CSMD1: variants seen among roughly 807,000 people sequenced by gnomAD.
The protein encoded by CSMD1 is CUB and sushi domain-containing protein 1.
CSMD1 carries 213 observed loss-of-function variants against 417.5 expected under a neutral mutation model. The ratio of observed to expected loss-of-function variants is 0.51; its 90% CI spans 0.46 to 0.57. CSMD1 has a LOEUF of 0.57. CSMD1 is among the 20% of genes least tolerant of loss of function. The pLI, the probability that CSMD1 is intolerant of heterozygous loss-of-function variation, is 0.00. For missense variants in CSMD1, 6,923 were observed against 4,529.7 expected (o/e 1.53, Z -15.17); for synonymous variants, 2,862 against 1,736.8 (o/e 1.65, Z -16.11).
rs183645896 is a variant in CSMD1, at chr8:4,182,973, G to T, written c.416-150874C>A. Reference sequence around the variant, plus strand: ...AATGGCCAATAAAGAAAGAGGCAAGGAAAGGAAGGATCAAAGTCTTTCAAG... The same window carrying T: ...AATGGCCAATAAAGAAAGAGGCAAGTAAAGGAAGGATCAAAGTCTTTCAAG... On this transcript the variant is annotated intron_variant, in intron 3 of 69. Coordinates refer to ENST00000635120, the MANE Select transcript of CSMD1 (RefSeq NM_033225.6). Among the ~76,000 whole-genome samples, 24 of 152,180 alleles carry T rather than the reference G, an allele frequency of 1.6e-4. 1 individual carries two copies. Among genetic ancestry groups the T allele is most frequent in the African/African-American group, 5.5e-4 (23 of 41,534 alleles).
intron 12 of CSMD1, among the ~76,000 whole-genome samples, chr8:3,431,528 A>C (rs1313694372): frequency 6.6e-6 from 1 of 152,116 alleles, no homozygotes; most frequent in African/African-American, 2.4e-5. Context: ...TTTTTCCAGT[A>C]GTGCATGCCT....
intron 15 of CSMD1, among the ~76,000 whole-genome samples, chr8:3,402,716 T>C (rs925390785): frequency 6.6e-6 from 1 of 152,222 alleles, no homozygotes; most frequent in African/African-American, 2.4e-5. Context: ...TCTTTCCTAG[T>C]TCTTTTTATC....
At chr8:3,740,605 A>C (rs1796749841) in intron 6 of CSMD1, among the ~76,000 whole-genome samples, 1 of 152,158 alleles carries the variant, frequency 6.6e-6, no homozygotes, top group Admixed American at 6.5e-5. Flanking sequence ...GCAGGGGCTG[A>C]GGTAGTGTGA....
intron 5 of CSMD1, among the ~76,000 whole-genome samples, chr8:3,914,938 C>T (rs912589997): frequency 3.3e-5 from 5 of 152,084 alleles, no homozygotes; most frequent in African/African-American, 1.2e-4. Context: ...AACACAACAA[C>T]AACGACAACA....
chr8:4,706,534 A>G (rs1807949641), intron 1 of CSMD1, among the ~76,000 whole-genome samples: 1 of 152,244 alleles, frequency 6.6e-6, no homozygotes, highest in African/African-American at 2.4e-5. Flanking sequence ...TATTTCATAA[A>G]CAAATATATT....
chr8:4,517,701 C>G (rs914020841), intron 2 of CSMD1, among the ~76,000 whole-genome samples: 1 of 152,182 alleles, frequency 6.6e-6, no homozygotes, highest in African/African-American at 2.4e-5. Flanking sequence ...ACTCAAAATA[C>G]TAATACTTAG....
At chr8:3,350,594 G>C (rs1397041468) in intron 21 of CSMD1, among the ~76,000 whole-genome samples, 1 of 152,080 alleles carries the variant, frequency 6.6e-6, no homozygotes. Context: ...TAAAACTGGA[G>C]TAACACAAGT....
chr8:4,521,198 C>A (rs554990858), intron 2 of CSMD1, among the ~76,000 whole-genome samples: 20 of 152,036 alleles, frequency 1.3e-4, no homozygotes, highest in African/African-American at 4.8e-4. Context: ...AAATTGTTTT[C>A]TATATAAAAA....
intron 54 of CSMD1, among the ~76,000 whole-genome samples, chr8:2,992,178 T>C (rs1298782808): frequency 6.6e-6 from 1 of 151,722 alleles, no homozygotes; most frequent in African/African-American, 2.4e-5. Flanking sequence ...TGCACACACA[T>C]GAACACACAC....
At chr8:4,321,936 G>A (rs2897795) in intron 3 of CSMD1, among the ~76,000 whole-genome samples, 87,357 of 151,886 alleles carry the variant, frequency 0.58, 27,988 homozygotes, top group East Asian at 0.99. Context: ...TTTTATTTCT[G>A]CATTTTTTCA....
intron 5 of CSMD1, among the ~76,000 whole-genome samples, chr8:3,888,759 T>A (rs944622870): frequency 6.6e-6 from 1 of 152,082 alleles, no homozygotes; most frequent in Non-Finnish European, 1.5e-5. Flanking sequence ...AAACCGACCT[T>A]CCAAATGGTC....
At chr8:4,113,390 CTTTTTTT>C (rs59647790) in intron 3 of CSMD1, among the ~76,000 whole-genome samples, 51 of 81,196 alleles carry the variant, frequency 6.3e-4, no homozygotes, top group East Asian at 1.8e-3. Flanking sequence ...AATAAAAGGG[CTTTTTTT>C]TTTTTTTTTT....
At chr8:3,568,944 TATAACAC>T (rs1310017908) in intron 10 of CSMD1, among the ~76,000 whole-genome samples, 9 of 152,288 alleles carry the variant, frequency 5.9e-5, no homozygotes, top group African/African-American at 1.9e-4. Flanking sequence ...TCTTAATTAC[TATAACAC>T]ATGTCTCACA....
chr8:4,354,617 A>C (rs1025918020), intron 3 of CSMD1, among the ~76,000 whole-genome samples: 1 of 152,144 alleles, frequency 6.6e-6, no homozygotes, highest in Non-Finnish European at 1.5e-5. Flanking sequence ...TGAACGTATA[A>C]GAACGTGTCT....
intron 5 of CSMD1, among the ~76,000 whole-genome samples, chr8:3,870,006 T>A (rs1167204814): frequency 6.6e-6 from 1 of 151,856 alleles, no homozygotes; most frequent in East Asian, 1.9e-4. Context: ...AGGAAAAGTG[T>A]AAAGAAATAC....
chr8:4,107,322 G>C (rs983664606), intron 3 of CSMD1, among the ~76,000 whole-genome samples: 3 of 152,282 alleles, frequency 2.0e-5, no homozygotes, highest in Non-Finnish European at 4.4e-5. Flanking sequence ...GAAATAGAGA[G>C]GATTTCCATT....
At chr8:3,905,035 G>C (rs1211969718) in intron 5 of CSMD1, among the ~76,000 whole-genome samples, 1 of 152,100 alleles carries the variant, frequency 6.6e-6, no homozygotes, top group Non-Finnish European at 1.5e-5. Context: ...TTGTACTGGT[G>C]ACTGATTTTC....
intron 23 of CSMD1, among the ~76,000 whole-genome samples, chr8:3,311,478 G>C (rs148793116): frequency 3.4e-4 from 51 of 152,184 alleles, no homozygotes; most frequent in African/African-American, 1.2e-3. Flanking sequence ...TCAAACTCCT[G>C]ACCTCAAGTG....
chr8:4,586,786 G>C (rs1037339068), intron 2 of CSMD1, among the ~76,000 whole-genome samples: 1 of 152,278 alleles, frequency 6.6e-6, no homozygotes, highest in African/African-American at 2.4e-5. Context: ...TGCTCCTCCA[G>C]GATGATACTG....
Sources: allele counts gnomAD v4.1 joint callset (sites outside exome capture counted in the v4.1 genomes callset), GRCh38; gene constraint gnomAD v4.1.1; transcripts MANE v1.5; gene names NCBI Gene and HGNC (gene_info 2026-07-23, HGNC 2026-07-21).